Variants in GPR39 observed in about 807,000 individuals in gnomAD.
GPR39 encodes zinc sensing receptor.
GPR39 carries 23 observed loss-of-function variants against 18.4 expected under a neutral mutation model. The observed-to-expected ratio is 1.25, with a 90% CI of 0.90 to 1.77. GPR39 has a LOEUF of 1.77. Ranked by LOEUF, GPR39 falls within the 40% of genes most tolerant of loss-of-function variation. The pLI is 0.00. For missense variants in GPR39, 647 were observed against 602.4 expected, an observed-to-expected ratio of 1.07 and a Z score of -0.78; for synonymous variants, 280 against 257.9, an observed-to-expected ratio of 1.09 and a Z score of -0.82.
At chr2:132,522,734 A>G (rs959241061) in intron 1 of GPR39, among the ~76,000 whole-genome samples, 1 of 152,174 alleles carries the variant, frequency 6.6e-6, no homozygotes, top group Non-Finnish European at 1.5e-5. Flanking sequence ...AGAAGCTGCC[A>G]TGTATTTATA....
intron 1 of GPR39, among the ~76,000 whole-genome samples, chr2:132,502,821 A>G (rs562097097): frequency 2.6e-5 from 4 of 152,270 alleles, no homozygotes; most frequent in African/African-American, 9.6e-5. Context: ...CTTGTCTTCG[A>G]GCTCTGAAGT....
chr2:132,492,676 A>ACATTCCATATATATACC (rs1359720454), intron 1 of GPR39, among the ~76,000 whole-genome samples: 1 of 138,670 alleles, frequency 7.2e-6, no homozygotes, highest in Non-Finnish European at 1.5e-5. Context: ...ATATATATAT[A>ACATTCCATATATATACC]ATATATATAC....
rs940302242 is a variant in GPR39, at chr2:132,444,373, C to G, written c.856+26475C>G. Reference sequence around the variant, plus strand: ...GTGGTACAATCATAGCTCATAGTCGCCTCAACTCTTGGGCTCAAGCCGTCT... The same window carrying G: ...GTGGTACAATCATAGCTCATAGTCGGCTCAACTCTTGGGCTCAAGCCGTCT... On this transcript the variant is annotated intron_variant, in intron 1 of 1. Coordinates refer to ENST00000329321, the MANE Select transcript of GPR39 (RefSeq NM_001508.3). Among the ~76,000 whole-genome samples the G allele has an allele frequency of 1.1e-4, 17 of 152,160 alleles. 1 individual carries two copies. Among genetic ancestry groups the G allele is most frequent in the African/African-American group, 3.9e-4 (16 of 41,510 alleles).
At chr2:132,600,639 C>A (rs955112632) in intron 1 of GPR39, among the ~76,000 whole-genome samples, 1 of 152,044 alleles carries the variant, frequency 6.6e-6, no homozygotes, top group South Asian at 2.1e-4. Context: ...ACACATATAA[C>A]CTACCAAGAT....
intron 1 of GPR39, among the ~76,000 whole-genome samples, chr2:132,642,198 C>T (rs1681867841): frequency 6.6e-6 from 1 of 152,210 alleles, no homozygotes; most frequent in African/African-American, 2.4e-5. Context: ...AAAATCTCTG[C>T]ATTTCTAATT....
At chr2:132,558,940 T>G (rs922800934) in intron 1 of GPR39, among the ~76,000 whole-genome samples, 3 of 152,186 alleles carry the variant, frequency 2.0e-5, no homozygotes, top group Non-Finnish European at 4.4e-5. Context: ...GCACATTTAT[T>G]AAGCACTAAC....
chr2:132,534,834 T>G (rs371661614), intron 1 of GPR39, among the ~76,000 whole-genome samples: 24 of 151,208 alleles, frequency 1.6e-4, no homozygotes, highest in African/African-American at 5.6e-4. Flanking sequence ...CACTGGGGAC[T>G]GTTGTGGGGT....
At chr2:132,564,168 C>T (rs1680306663) in intron 1 of GPR39, among the ~76,000 whole-genome samples, 1 of 152,188 alleles carries the variant, frequency 6.6e-6, no homozygotes, top group Non-Finnish European at 1.5e-5. Flanking sequence ...TGGGAGTCAC[C>T]ACTGAAAATA....
chr2:132,532,202 G>T (rs1471796096), intron 1 of GPR39, among the ~76,000 whole-genome samples: 3 of 152,150 alleles, frequency 2.0e-5, no homozygotes, highest in South Asian at 2.1e-4. Flanking sequence ...TACCATCAGA[G>T]AATACTATAA....
chr2:132,426,020 T>C lies in GPR39; in HGVS notation c.856+8122T>C, dbSNP rs1284132384. Among the ~76,000 whole-genome samples, 3 of 152,200 alleles carry C rather than the reference T, an allele frequency of 2.0e-5. No individual in the cohort carries two copies. The East Asian group carries it at 5.8e-4, about 29-fold the overall frequency. On this transcript the variant is annotated intron_variant, in intron 1 of 1. Transcript: ENST00000329321. ...AGCCACTAAATTTTTGATAATTCAC[T>C]ATGTACCAATAGAAAACGAATGGAT...
intron 1 of GPR39, among the ~76,000 whole-genome samples, chr2:132,494,139 A>G (rs1334573893): frequency 6.6e-6 from 1 of 151,938 alleles, no homozygotes; most frequent in Admixed American, 6.6e-5. Flanking sequence ...TTGTTAAGAG[A>G]TGGGAGACAA....
At chr2:132,537,380 A>G (rs1260378517) in intron 1 of GPR39, among the ~76,000 whole-genome samples, 1 of 152,122 alleles carries the variant, frequency 6.6e-6, no homozygotes, top group South Asian at 2.1e-4. Context: ...TTCTTTAAGA[A>G]CGTTGAATAT....
intron 1 of GPR39, among the ~76,000 whole-genome samples, chr2:132,427,840 G>T (rs1680154279): frequency 2.0e-5 from 3 of 147,376 alleles, no homozygotes; most frequent in Non-Finnish European, 4.5e-5. Context: ...AGGACTACAG[G>T]TGTGCACTAC....
At chr2:132,562,105 C>T (rs1680264444) in intron 1 of GPR39, among the ~76,000 whole-genome samples, 1 of 152,122 alleles carries the variant, frequency 6.6e-6, no homozygotes, top group Non-Finnish European at 1.5e-5. Context: ...GTCCAGGTCA[C>T]ACCCCAATCT....
At chr2:132,511,276 A>G (rs7595520) in intron 1 of GPR39, among the ~76,000 whole-genome samples, 15 of 152,026 alleles carry the variant, frequency 9.9e-5, no homozygotes, top group Non-Finnish European at 1.9e-4. Context: ...CAACAAATCA[A>G]GTTTTTCTAA....
At chr2:132,510,711 GTTTAC>G (rs1186722486) in intron 1 of GPR39, among the ~76,000 whole-genome samples, 1 of 152,016 alleles carries the variant, frequency 6.6e-6, no homozygotes, top group African/African-American at 2.4e-5. Flanking sequence ...GTTCTATTTT[GTTTAC>G]TTTACTGCCA....
At chr2:132,454,079 C>T (rs1166723867) in intron 1 of GPR39, among the ~76,000 whole-genome samples, 1 of 152,136 alleles carries the variant, frequency 6.6e-6, no homozygotes, top group East Asian at 1.9e-4. Context: ...GGCAGTATGG[C>T]CATTTTCATG....
intron 1 of GPR39, among the ~76,000 whole-genome samples, chr2:132,427,334 AT>A (rs944129209): frequency 6.8e-6 from 1 of 146,388 alleles, no homozygotes. Flanking sequence ...TGGCTAATAT[AT>A]TTTTTTTTAT....
chr2:132,545,946 C>T (rs1679940750), intron 1 of GPR39, among the ~76,000 whole-genome samples: 1 of 152,168 alleles, frequency 6.6e-6, no homozygotes, highest in Non-Finnish European at 1.5e-5. Context: ...TTGTCCTGGT[C>T]AGAGGCTAGC....
Sources: gnomAD v4.1 joint callset for allele counts (sites outside exome capture counted in the v4.1 genomes callset) on GRCh38, gnomAD v4.1.1 for gene constraint, MANE v1.5 for transcripts, NCBI Gene and HGNC (gene_info 2026-07-23, HGNC 2026-07-21) for gene names.